The following THRAP3 variants were observed in gnomAD, a reference collection of about 807,000 sequenced individuals.
The protein encoded by THRAP3 is thyroid hormone receptor associated protein 3, also known as thyroid hormone receptor-associated protein 3.
A neutral mutation model predicts 101.0 loss-of-function variants in THRAP3; 16 were observed. The ratio of observed to expected loss-of-function variants is 0.16; its 90% confidence interval spans 0.11 to 0.24. The LOEUF is 0.24. Ranked by LOEUF, THRAP3 falls within the 10% of genes least tolerant of loss-of-function variation. The pLI is 1.00. For missense variants in THRAP3, 989 were observed against 1,202.7 expected, an observed-to-expected ratio of 0.82 and a Z score of 2.63; for synonymous variants, 407 against 422.6, an observed-to-expected ratio of 0.96 and a Z score of 0.45.
chr1:36,245,333 A>AT, intron 1 of THRAP3, among the ~76,000 whole-genome samples: 1 of 150,312 alleles, frequency 6.7e-6, no homozygotes, highest in South Asian at 2.1e-4. Context: ...CACCCGGCTA[A>AT]TTTTTTTGTA....
chr1:36,250,791 T>TA (rs1292455904), intron 1 of THRAP3, among the ~76,000 whole-genome samples: 1 of 151,662 alleles, frequency 6.6e-6, no homozygotes, highest in African/African-American at 2.4e-5. Context: ...TGCGCGCCTG[T>TA]AATCCCATCT....
At chr1:36,245,360 G>A (rs1480224043) in intron 1 of THRAP3, among the ~76,000 whole-genome samples, 1 of 151,744 alleles carries the variant, frequency 6.6e-6, no homozygotes, top group Non-Finnish European at 1.5e-5. Flanking sequence ...GTAGAGACGG[G>A]GTTTCACCAT....
At chr1:36,212,582 G>C in the THRAP3 span, among the ~76,000 whole-genome samples, 3 of 151,726 alleles carry the variant, frequency 2.0e-5, no homozygotes, top group African/African-American at 7.3e-5. Flanking sequence ...CACCATGCTC[G>C]GCCAGTTTTT....
the THRAP3 span, among the ~76,000 whole-genome samples, chr1:36,213,100 A>G: frequency 6.6e-6 from 1 of 152,176 alleles, no homozygotes; most frequent in Non-Finnish European, 1.5e-5. Flanking sequence ...CTTGTCTTTC[A>G]TTCTGATGGC....
chr1:36,291,233 A>C (rs958657799), intron 5 of THRAP3, 141 bp from the exon 6 acceptor site: 9 of 776,132 alleles, frequency 1.2e-5, no homozygotes, highest in Non-Finnish European at 1.9e-5. Flanking sequence ...GTTACAGTGC[A>C]CTGAGGGTTA....
intron 8 of THRAP3, chr1:36,294,169 GAA>G: frequency 1.6e-6 from 2 of 1,257,876 alleles, no homozygotes; most frequent in Non-Finnish European, 2.0e-6. Context: ...GTGAGCTTGA[GAA>G]AAAAAAGAGA....
rs527247712 is a variant in THRAP3, at chr1:36,255,828, G to GA, written c.-134-3554_-134-3553insA. Among the ~76,000 whole-genome samples, 1,683 of 151,262 alleles carry GA rather than the reference G, an allele frequency of 0.011. 77 individuals are homozygous for GA. The East Asian group carries it at 0.13, about 12-fold the overall frequency. ...GCCAGGGGTACTTGAGGTGAGATAA[G>GA]GAAAAAAAAATTCAGTCTTGTGTAC... On this transcript the variant is annotated intron_variant, in intron 1 of 11. Transcript: ENST00000354618.
At chr1:36,258,611 G>C (rs1057318376) in intron 1 of THRAP3, among the ~76,000 whole-genome samples, 1 of 152,160 alleles carries the variant, frequency 6.6e-6, no homozygotes, top group African/African-American at 2.4e-5. Context: ...GAGTAGCTGA[G>C]ACTACAGGTG....
At chr1:36,208,966 C>CTT in the THRAP3 span, among the ~76,000 whole-genome samples, 26 of 51,924 alleles carry the variant, frequency 5.0e-4, 5 homozygotes, top group East Asian at 5.0e-3. Context: ...CATGTCCAGC[C>CTT]TTTTTTTTTT....
intron 5 of THRAP3, among the ~76,000 whole-genome samples, chr1:36,290,419 G>C (rs1020252360): frequency 3.3e-5 from 5 of 151,888 alleles, no homozygotes; most frequent in Non-Finnish European, 5.9e-5. Context: ...TCGATCTCCT[G>C]ACCTCGTGAT....
intron 8 of THRAP3, among the ~76,000 whole-genome samples, chr1:36,294,924 A>G (rs1052348436): frequency 1.3e-5 from 2 of 152,186 alleles, no homozygotes; most frequent in African/African-American, 2.4e-5. Flanking sequence ...AAACAAATTA[A>G]GTGATAAAAC....
chr1:36,286,342 AT>A lies in THRAP3; in HGVS notation c.138-23del. 1.3e-6 allele frequency: 2 copies of A among 1,539,378 alleles called. No individual in the cohort carries two copies. Among genetic ancestry groups the A allele is most frequent in the South Asian group, 1.3e-5 (1 of 79,834 alleles). On this transcript the variant is annotated intron_variant, in intron 3 of 11. Coordinates refer to ENST00000354618, the MANE Select transcript of THRAP3 (RefSeq NM_005119.4). This position sits in a 1 kb window ranked among gnomAD's most constrained non-coding sequence, Gnocchi z 5.5. ...AAATGCTTGTGTCAAAAATTCAAAC[AT>A]TTGTCTCTTTCCTTTCCATTCCAGT... is the stretch of plus-strand genomic sequence containing the variant.
At chr1:36,243,351 G>A (rs933919856) in intron 1 of THRAP3, among the ~76,000 whole-genome samples, 2 of 151,664 alleles carry the variant, frequency 1.3e-5, no homozygotes, top group Admixed American at 6.6e-5. Context: ...GCGGCCTTCC[G>A]CAGTGTTTGT....
the THRAP3 span, among the ~76,000 whole-genome samples, chr1:36,217,164 CAATT>C: frequency 1.3e-5 from 2 of 152,102 alleles, no homozygotes; most frequent in Non-Finnish European, 2.9e-5. Flanking sequence ...GACATACAAA[CAATT>C]AACTACACAC....
At chr1:36,263,437 T>G (rs1645473663) in intron 2 of THRAP3, among the ~76,000 whole-genome samples, 1 of 152,168 alleles carries the variant, frequency 6.6e-6, no homozygotes, top group South Asian at 2.1e-4. Flanking sequence ...GTGTCATGAT[T>G]GGCTGCTTAA....
intron 3 of THRAP3, among the ~76,000 whole-genome samples, chr1:36,283,207 T>C (rs2124585852): frequency 6.6e-6 from 1 of 152,256 alleles, no homozygotes; most frequent in East Asian, 1.9e-4. Context: ...TTAGTAAATG[T>C]ATCTTAAAAC....
intron 1 of THRAP3, among the ~76,000 whole-genome samples, chr1:36,253,781 G>GTTTTTTTTTTTTTTTTTTTTTT (rs1353553825): frequency 3.2e-3 from 113 of 35,076 alleles, no homozygotes; most frequent in African/African-American, 4.3e-3. Context: ...TTTTTTTTTA[G>GTTTTTTTTTTTTTTTTTTTTTT]TTTTTGTAGA....
chr1:36,235,668 A>G (rs1360460438), intron 1 of THRAP3, among the ~76,000 whole-genome samples: 1 of 152,176 alleles, frequency 6.6e-6, no homozygotes, highest in East Asian at 1.9e-4. Context: ...AGCAGTATAA[A>G]TTGCTGTAGA....
intron 2 of THRAP3, among the ~76,000 whole-genome samples, chr1:36,274,090 AC>A (rs1645625824): frequency 7.0e-6 from 1 of 143,860 alleles, no homozygotes; most frequent in African/African-American, 2.9e-5. Flanking sequence ...ACACACACAC[AC>A]ACACACACAC....
Sources: allele counts gnomAD v4.1 joint callset (sites outside exome capture counted in the v4.1 genomes callset), GRCh38; gene constraint gnomAD v4.1.1; non-coding constraint Gnocchi (gnomAD v3.1); transcripts MANE v1.5; gene names NCBI Gene and HGNC (gene_info 2026-07-23, HGNC 2026-07-21).